PRKD3: variants seen among roughly 807,000 people sequenced by gnomAD.
PRKD3 encodes the protein protein kinase D3.
PRKD3 carries 47 observed loss-of-function variants against 99.2 expected under a neutral mutation model. The ratio of observed to expected loss-of-function variants is 0.47; its 90% CI spans 0.38 to 0.60. The LOEUF (loss-of-function observed/expected upper bound fraction) is 0.60, where lower values mean the gene tolerates loss of function less well. PRKD3 is among the 20% of genes least tolerant of loss of function. The probability of loss-of-function intolerance (pLI) is 0.00; values close to 1 mark genes in which losing one functional copy is unlikely to be tolerated. For synonymous variants in PRKD3, 392 were observed against 355.4 expected (o/e 1.10, Z -1.16); for missense variants, 1,019 against 1,088.4 (o/e 0.94, Z 0.90).
In PRKD3 at chr2:37,289,407, G is replaced by C. The variant is rs368473424; in HGVS notation, c.666C>G (p.Leu222=). The C allele has an allele frequency of 7.8e-5, 126 of 1,614,170 alleles. 1 individual carries two copies. The African/African-American group carries it at 1.4e-3, about 18-fold the overall frequency. Residue 222 remains leucine (L), a synonymous_variant, in exon 5 of 19, where the codon CTC becomes CTG. Transcript: ENST00000234179. ...LSNVSLPGPG[L]SVPRPLQPEY... is the part of the protein sequence containing the mutation. The stretch of plus-strand genomic sequence containing the variant: ...CAGGCTGTAGGGGTCTTGGAACTGA[G>C]AGGCCGGGTCCTGGTAAAGATACAT...
rs540885405 is a variant in PRKD3, at chr2:37,307,477, C to T, written c.288+8760G>A. Among the ~76,000 whole-genome samples the T allele has an allele frequency of 7.9e-5, 12 of 152,300 alleles. No homozygotes were observed. In the South Asian group the frequency reaches 2.1e-3, roughly 26 times the overall value. ...ATATGAAACAAGATGGGAAAGAATA[C>T]TGATGCTTATCTGCTCATTTCTATC... On this transcript the variant is annotated intron_variant, in intron 2 of 18. Transcript: ENST00000234179.
At chr2:37,291,496 C>T (rs1245452594) in intron 3 of PRKD3, among the ~76,000 whole-genome samples, 1 of 152,184 alleles carries the variant, frequency 6.6e-6, no homozygotes, top group East Asian at 1.9e-4. Flanking sequence ...AACGTCGGGA[C>T]AGTAGACCCA....
At chr2:37,259,514 G>T in intron 16 of PRKD3, 69 bp downstream of exon 16, 1 of 1,242,970 alleles carries the variant, frequency 8.0e-7, no homozygotes, top group Non-Finnish European at 1.2e-6. Flanking sequence ...TTAGTACACT[G>T]CCTTTTATTA....
chr2:37,254,608 AT>A (rs1264902410), intron 17 of PRKD3, among the ~76,000 whole-genome samples: 1 of 152,182 alleles, frequency 6.6e-6, no homozygotes, highest in Non-Finnish European at 1.5e-5. Flanking sequence ...ACTAAATTAT[AT>A]TATGCCTCAG....
At chr2:37,261,482 G>T (rs1224196399) in intron 14 of PRKD3, among the ~76,000 whole-genome samples, 1 of 138,020 alleles carries the variant, frequency 7.2e-6, no homozygotes, top group Admixed American at 7.3e-5. Context: ...GCGAGACTTT[G>T]TCTCAAATAA....
At chr2:37,318,709 T>A (rs995020179) in intron 1 of PRKD3, among the ~76,000 whole-genome samples, 1 of 152,210 alleles carries the variant, frequency 6.6e-6, no homozygotes, top group African/African-American at 2.4e-5. Flanking sequence ...CAACTTTACA[T>A]GAGTTTGAGT....
intron 2 of PRKD3, among the ~76,000 whole-genome samples, chr2:37,312,539 A>G (rs1431753100): frequency 6.6e-6 from 1 of 152,120 alleles, no homozygotes; most frequent in Non-Finnish European, 1.5e-5. Flanking sequence ...TTCACAGTCT[A>G]TTTAGTGCCA....
Position 37,286,170 on chromosome 2 carries a change from A to AAT in PRKD3, c.910+6_910+7insAT, listed in dbSNP as rs1233210377. The AAT allele has an allele frequency of 6.3e-7, 1 of 1,598,562 alleles. No individual in the cohort carries two copies. The highest frequency in any genetic ancestry group is 2.2e-5 in the East Asian group (1 of 44,574). Reference sequence around the variant, plus strand: ...AAATTTTAATTAGGGAAAACACCTAATCCTACCTTTACACTGCATTCCTTG... The same window carrying AAT: ...AAATTTTAATTAGGGAAAACACCTAAATTCCTACCTTTACACTGCATTCCTTG... On this transcript the variant is annotated splice_region_variant and intron_variant, in intron 6 of 18. Coordinates refer to ENST00000234179, the MANE Select transcript of PRKD3 (RefSeq NM_005813.6).
chr2:37,276,604 C>T (rs148327461), intron 9 of PRKD3, among the ~76,000 whole-genome samples: 21 of 151,956 alleles, frequency 1.4e-4, no homozygotes, highest in African/African-American at 4.6e-4. Flanking sequence ...TCCAGTTTCT[C>T]ATTTGTCTTT....
chr2:37,315,781 C>G (rs1239700662), intron 2 of PRKD3, among the ~76,000 whole-genome samples: 1 of 152,202 alleles, frequency 6.6e-6, no homozygotes, highest in Non-Finnish European at 1.5e-5. Flanking sequence ...AGTGCAGTGG[C>G]GCTATCTCAG....
intron 17 of PRKD3, 26 bp downstream of exon 17, chr2:37,256,636 T>A (rs763169426): frequency 0.04 from 34,951 of 865,356 alleles, 245 homozygotes; most frequent in South Asian, 0.095. Context: ...AAATTTTTTT[T>A]TTTTTTTTTT....
rs1264702860 is a variant in PRKD3, at chr2:37,293,895, G to A, written c.289-624C>T. The stretch of plus-strand genomic sequence containing the variant: ...CTTTATCTAGTTGATTTTATAACAT[G>A]AACAATTTGCTCACGTAAGTTAACA... On this transcript the variant is annotated intron_variant, in intron 2 of 18. Coordinates refer to ENST00000234179, the MANE Select transcript of PRKD3 (RefSeq NM_005813.6). 2.0e-5 allele frequency among the ~76,000 whole-genome samples: 3 copies of A among 152,188 alleles called. No individual in the cohort carries two copies. In the East Asian group the frequency reaches 5.8e-4, roughly 29 times the overall value.
rs767400781 is a variant in PRKD3 at position 37,290,948 on chromosome 2, T to C, written c.479A>G (p.His160Arg). 1.2e-6 allele frequency: 2 copies of C among 1,607,354 alleles called. No individual in the cohort carries two copies. Among genetic ancestry groups the C allele is most frequent in the Non-Finnish European group, 1.7e-6 (2 of 1,173,818 alleles). ...FQIRPHTLYV[H>R]SYKAPTFCDY... ...ACAGAAAGTAGGAGCTTTGTAAGAA[T>C]GTACATAGAGAGTATGTGGACGAAT... Residue 160 changes from histidine to arginine, a missense_variant, in exon 4 of 19, where the codon CAT becomes CGT. By Grantham distance (29) the His-to-Arg change is conservative. Transcript: ENST00000234179.
intron 2 of PRKD3, among the ~76,000 whole-genome samples, chr2:37,300,661 T>C (rs956872632): frequency 6.6e-6 from 1 of 152,210 alleles, no homozygotes; most frequent in African/African-American, 2.4e-5. Context: ...ACAACTATTA[T>C]TTATCCAGAA....
chr2:37,255,940 G>T (rs540224539), intron 17 of PRKD3, among the ~76,000 whole-genome samples: 1 of 152,290 alleles, frequency 6.6e-6, no homozygotes, highest in East Asian at 1.9e-4. Context: ...CTTGAGCCCA[G>T]GAAGTCGAGG....
chr2:37,268,276 A>G (rs1326394935), intron 13 of PRKD3: 1 of 469,498 alleles, frequency 2.1e-6, no homozygotes, highest in Non-Finnish European at 4.4e-6. Context: ...AAATGTGTGC[A>G]TTTTTGGTAA....
intron 9 of PRKD3, among the ~76,000 whole-genome samples, chr2:37,277,413 T>C (rs572180356): frequency 7.2e-5 from 11 of 152,306 alleles, no homozygotes; most frequent in African/African-American, 2.6e-4. Flanking sequence ...TTCAAATCTA[T>C]TGTCTTTCTA....
rs548999352 is a variant in PRKD3 at position 37,278,064 on chromosome 2, C to G, written c.1173-75G>C. 61 of 1,291,512 alleles carry G rather than the reference C, an allele frequency of 4.7e-5. 1 individual carries two copies. The South Asian group carries it at 9.6e-4, about 20-fold the overall frequency. 80.0% of individuals were successfully genotyped at this position (1,291,512 alleles called of 1,614,324 possible). A position where few individuals can be genotyped will look rare whatever the true frequency, so the allele number is the denominator to read the frequency against. On this transcript the variant is annotated intron_variant, in intron 8 of 18. Coordinates refer to ENST00000234179, the MANE Select transcript of PRKD3 (RefSeq NM_005813.6). ...TATAAATACTGTAGGAACATGAAGC[C>G]TTTTTAAAGACAACTGAGCTAAAAT... is the stretch of plus-strand genomic sequence containing the variant.
chr2:37,288,005 C>T (rs1015066539), intron 5 of PRKD3, among the ~76,000 whole-genome samples: 1 of 152,192 alleles, frequency 6.6e-6, no homozygotes, highest in African/African-American at 2.4e-5. Flanking sequence ...AACAATCTAA[C>T]CAATTCAGAC....
Sources: allele counts gnomAD v4.1 joint callset (sites outside exome capture counted in the v4.1 genomes callset), GRCh38; gene constraint gnomAD v4.1.1; transcripts MANE v1.5; gene names NCBI Gene and HGNC (gene_info 2026-07-23, HGNC 2026-07-21).